ATOSB: variants seen among roughly 807,000 people sequenced by gnomAD.
ATOSB encodes atos homolog protein B.
the ATOSB span, among the ~76,000 whole-genome samples, chr9:35,114,217 G>A: frequency 6.6e-6 from 1 of 152,070 alleles, no homozygotes; most frequent in Non-Finnish European, 1.5e-5. Context: ...CACACAAACC[G>A]CCCCAGTCCT....
the ATOSB span, among the ~76,000 whole-genome samples, chr9:35,112,841 C>T: frequency 6.6e-6 from 1 of 151,950 alleles, no homozygotes; most frequent in Non-Finnish European, 1.5e-5. Context: ...TGTGGACCCC[C>T]CAGGGCCCTG....
the ATOSB span, chr9:35,104,375 A>G: frequency 6.2e-6 from 1 of 160,030 alleles, no homozygotes; most frequent in East Asian, 1.9e-4. Context: ...GGTGGGTCAG[A>G]GTCTGGCCAG....
At chr9:35,114,216 C>T in the ATOSB span, among the ~76,000 whole-genome samples, 5 of 152,194 alleles carry the variant, frequency 3.3e-5, no homozygotes, top group African/African-American at 7.2e-5. Context: ...TCACACAAAC[C>T]GCCCCAGTCC....
chr9:35,115,693 C>T, the ATOSB span: 1 of 151,328 alleles, frequency 6.6e-6, no homozygotes, highest in East Asian at 2.0e-4. Flanking sequence ...ACATTGAGTC[C>T]CCAACTGCTC....
At chr9:35,115,074 C>T in the ATOSB span, among the ~76,000 whole-genome samples, 5 of 151,720 alleles carry the variant, frequency 3.3e-5, no homozygotes, top group Non-Finnish European at 5.9e-5. Flanking sequence ...AGACCAAGGC[C>T]GGCTCTGGGA....
At chr9:35,105,440 C>T in the ATOSB span, 1 of 1,546,398 alleles carries the variant, frequency 6.5e-7, no homozygotes, top group Non-Finnish European at 8.8e-7. The surrounding 1 kb of genome is among the most constrained non-coding windows in gnomAD (Gnocchi z 5.5). Flanking sequence ...GCCTGTAATT[C>T]CAGTGCTTTG....
At chr9:35,106,062 C>T in the ATOSB span, 8 of 1,571,942 alleles carry the variant, frequency 5.1e-6, no homozygotes, top group South Asian at 5.7e-5. This position sits in a 1 kb window ranked among gnomAD's most constrained non-coding sequence, Gnocchi z 4.6. Flanking sequence ...AACCCTGGGC[C>T]CTAAACACAT....
chr9:35,105,808 A>G, the ATOSB span: 2 of 1,614,144 alleles, frequency 1.2e-6, no homozygotes, highest in Non-Finnish European at 1.7e-6. This position sits in a 1 kb window ranked among gnomAD's most constrained non-coding sequence, Gnocchi z 5.5. Context: ...CGAGAAGTCA[A>G]AGGTCACAAG....
the ATOSB span, among the ~76,000 whole-genome samples, chr9:35,115,348 C>G: frequency 6.6e-6 from 1 of 152,024 alleles, no homozygotes; most frequent in Non-Finnish European, 1.5e-5. Flanking sequence ...CTCTTAGAAC[C>G]CAGAACACAA....
At chr9:35,107,462 G>A in the ATOSB span, 1 of 1,612,384 alleles carries the variant, frequency 6.2e-7, no homozygotes, top group Non-Finnish European at 8.5e-7. Context: ...CAGCAGTAGG[G>A]TGGCCCAGGG....
At chr9:35,107,899 C>A in the ATOSB span, 2 of 1,595,150 alleles carry the variant, frequency 1.3e-6, no homozygotes, top group Non-Finnish European at 1.7e-6. Flanking sequence ...CTCTGTTCCA[C>A]AACACAGAGG....
chr9:35,105,200 A>G, the ATOSB span: 1 of 1,597,956 alleles, frequency 6.3e-7, no homozygotes, highest in East Asian at 2.3e-5. This position sits in a 1 kb window ranked among gnomAD's most constrained non-coding sequence, Gnocchi z 5.5. Context: ...ATTAGCCCGC[A>G]TGGGTTCAGA....
chr9:35,115,317 C>A, the ATOSB span, among the ~76,000 whole-genome samples: 1 of 152,042 alleles, frequency 6.6e-6, no homozygotes, highest in Non-Finnish European at 1.5e-5. Context: ...CCTCTTCACC[C>A]CACTAACCCC....
chr9:35,107,495 TG>T, the ATOSB span: 1 of 1,607,108 alleles, frequency 6.2e-7, no homozygotes, highest in South Asian at 1.1e-5. Flanking sequence ...TCCGAGGGGC[TG>T]GCCCCTCTTC....
At chr9:35,108,291 C>A in the ATOSB span, 1 of 1,528,270 alleles carries the variant, frequency 6.5e-7, no homozygotes, top group South Asian at 1.2e-5. Flanking sequence ...CCCCTTGGGT[C>A]AGGGGGGCCC....
the ATOSB span, among the ~76,000 whole-genome samples, chr9:35,111,830 A>G: frequency 6.6e-6 from 1 of 152,154 alleles, no homozygotes; most frequent in Non-Finnish European, 1.5e-5. Context: ...CAGCTGCCGG[A>G]GTCCAAAGCA....
At chr9:35,112,090 C>T in the ATOSB span, among the ~76,000 whole-genome samples, 1 of 152,148 alleles carries the variant, frequency 6.6e-6, no homozygotes. Context: ...CTAGTGAAGC[C>T]CAGGAAGCTT....
At chr9:35,111,691 T>C in the ATOSB span, 1 of 145,790 alleles carries the variant, frequency 6.9e-6, no homozygotes, top group Non-Finnish European at 1.5e-5. Flanking sequence ...ACCATGCTCA[T>C]TGGTCCATAG....
chr9:35,107,821 A>G, the ATOSB span: 1 of 1,593,600 alleles, frequency 6.3e-7, no homozygotes, highest in Non-Finnish European at 8.5e-7. Context: ...AAAGTATTGC[A>G]GGAAGCATTT....
Sources: allele counts gnomAD v4.1 joint callset (sites outside exome capture counted in the v4.1 genomes callset), GRCh38; gene constraint gnomAD v4.1.1; non-coding constraint Gnocchi (gnomAD v3.1); transcripts MANE v1.5; gene names NCBI Gene and HGNC (gene_info 2026-07-23, HGNC 2026-07-21).